Variants in CYTH1 observed in about 807,000 individuals in gnomAD.
CYTH1 encodes cytohesin-1.
CYTH1 carries 18 observed loss-of-function variants against 61.8 expected under a neutral mutation model. The observed-to-expected ratio is 0.29, with a 90% confidence interval of 0.20 to 0.43. The LOEUF (loss-of-function observed/expected upper bound fraction) is 0.43. CYTH1 is among the 20% of genes least tolerant of loss of function. The pLI, the probability that CYTH1 is intolerant of heterozygous loss-of-function variation, is 1.00. For synonymous variants in CYTH1, 174 were observed against 184.3 expected, an observed-to-expected ratio of 0.94 and a Z score of 0.45; for missense variants, 336 against 510.5, an observed-to-expected ratio of 0.66 and a Z score of 3.29.
At chr17:78,741,220 A>G (rs1295891963) in intron 1 of CYTH1, among the ~76,000 whole-genome samples, 3 of 152,182 alleles carry the variant, frequency 2.0e-5, no homozygotes, top group Non-Finnish European at 4.4e-5. Context: ...GGGAATACAC[A>G]AGCATGTAAT....
At chr17:78,723,919 G>T (rs1224782261) in intron 1 of CYTH1, 2 of 152,280 alleles carry the variant, frequency 1.3e-5, no homozygotes, top group African/African-American at 4.8e-5. Flanking sequence ...CGTCCTGGAG[G>T]GGCTTCAGGA....
intron 1 of CYTH1, among the ~76,000 whole-genome samples, chr17:78,711,983 G>A (rs558834871): frequency 2.6e-5 from 4 of 152,022 alleles, no homozygotes; most frequent in East Asian, 3.9e-4. Flanking sequence ...GGGGGCTGAC[G>A]TAGAAGGATT....
At chr17:78,730,788 C>A (rs1239095983) in intron 1 of CYTH1, among the ~76,000 whole-genome samples, 1 of 151,740 alleles carries the variant, frequency 6.6e-6, no homozygotes, top group Non-Finnish European at 1.5e-5. Flanking sequence ...CCTCAGCCAC[C>A]CGAGTGGCTG....
rs1205775036 is a variant in CYTH1, at chr17:78,675,023, G to A, written c.*1068C>T. The A allele has an allele frequency of 1.3e-5, 2 of 152,320 alleles. No homozygotes were observed. The highest frequency in any genetic ancestry group is 4.8e-5 in the African/African-American group (2 of 41,464). The allele number at this position is 152,320 out of a possible 1,614,324, so 9.4% of individuals were successfully genotyped here. On this transcript the variant is annotated 3_prime_UTR_variant, in exon 14 of 14. Coordinates refer to ENST00000446868, the MANE Select transcript of CYTH1 (RefSeq NM_004762.6). ...CATCCAGAGTAGTCCAGTTAGGGCT[G>A]GTTTTGAGGCAGAAAAAGCTGAAGC...
At chr17:78,760,355 T>TTATATATATATATATATATATATA (rs370393556) in intron 1 of CYTH1, among the ~76,000 whole-genome samples, 1 of 52,274 alleles carries the variant, frequency 1.9e-5, no homozygotes, top group African/African-American at 7.2e-5. Context: ...AATAGCAGGT[T>TTATATATATATATATATATATATA]TATATATATA....
chr17:78,753,001 T>C (rs2144679326), intron 1 of CYTH1, among the ~76,000 whole-genome samples: 1 of 152,286 alleles, frequency 6.6e-6, no homozygotes, highest in East Asian at 1.9e-4. Flanking sequence ...CACTCAGGAT[T>C]ACCAAATCTC....
chr17:78,709,350 C>T, intron 2 of CYTH1: 2 of 309,460 alleles, frequency 6.5e-6, no homozygotes, highest in Non-Finnish European at 1.2e-5. Context: ...CACTCTGCTC[C>T]GCAAGGGCAA....
In CYTH1 at chr17:78,675,779, C is replaced by A; in HGVS notation, c.*312G>T. On this transcript the variant is annotated 3_prime_UTR_variant, in exon 14 of 14. Transcript: ENST00000446868. ...GGACAACCAAGAGGTAAACAGTTGG[C>A]TCTGAGCTCTGCTACCAGAACACTG... is the stretch of plus-strand genomic sequence containing the variant. The A allele has an allele frequency of 1.7e-6, 2 of 1,142,922 alleles. No homozygotes were observed. The highest frequency in any genetic ancestry group is 2.4e-6 in the Non-Finnish European group (2 of 835,548). 70.8% of individuals were successfully genotyped at this position (1,142,922 alleles called of 1,614,324 possible). A position where few individuals can be genotyped will look rare whatever the true frequency, so the allele number is the denominator to read the frequency against.
intron 1 of CYTH1, among the ~76,000 whole-genome samples, chr17:78,763,755 T>C (rs1329966652): frequency 6.6e-6 from 1 of 152,142 alleles, no homozygotes; most frequent in South Asian, 2.1e-4. Context: ...GGTGAAACCA[T>C]GGATAAGGGG....
chr17:78,687,637 T>C (rs1339598583), intron 11 of CYTH1, among the ~76,000 whole-genome samples: 1 of 152,134 alleles, frequency 6.6e-6, no homozygotes, highest in African/African-American at 2.4e-5. Context: ...TCTCTCACAA[T>C]CTCTCTAATG....
chr17:78,780,618 C>T (rs2093513038), intron 1 of CYTH1, among the ~76,000 whole-genome samples: 1 of 152,192 alleles, frequency 6.6e-6, no homozygotes, highest in East Asian at 1.9e-4. Context: ...GGCCTGTAAT[C>T]CCAACACTGT....
chr17:78,695,969 G>C (rs1298337465), intron 10 of CYTH1, 38 bp downstream of exon 10: 1 of 1,367,542 alleles, frequency 7.3e-7, no homozygotes, highest in Non-Finnish European at 9.8e-7. Context: ...AATGACAGTG[G>C]CCTAGCAGAG....
chr17:78,736,959 C>T (rs2093323249), intron 1 of CYTH1: 2 of 157,512 alleles, frequency 1.3e-5, no homozygotes, highest in South Asian at 2.9e-4. Context: ...TCAGTGCCAC[C>T]ACCCAGTTCC....
chr17:78,756,854 G>A (rs189847467), intron 1 of CYTH1, among the ~76,000 whole-genome samples: 1 of 151,590 alleles, frequency 6.6e-6, no homozygotes, highest in East Asian at 1.9e-4. Context: ...ATAATCACCA[G>A]GAGACACAAG....
At chr17:78,758,053 A>G (rs1214404462) in intron 1 of CYTH1, among the ~76,000 whole-genome samples, 1 of 152,244 alleles carries the variant, frequency 6.6e-6, no homozygotes, top group Non-Finnish European at 1.5e-5. Context: ...ACATATCAAG[A>G]GACTACAAAG....
chr17:78,691,141 A>G (rs2092881291), intron 11 of CYTH1: 1 of 152,262 alleles, frequency 6.6e-6, no homozygotes, highest in Non-Finnish European at 1.5e-5. Context: ...AGAAAAGCAA[A>G]GCCAGTGCAG....
At position 78,718,970 on chromosome 17, in the gene CYTH1, A is replaced by C. The variant is rs541643176; in HGVS notation, c.23-9238T>G. On this transcript the variant is annotated intron_variant, in intron 1 of 13. Transcript: ENST00000446868. ...CTACTAGGTGGAAGGCAGCGGGGGT[A>C]CAACACTGAAGAGACAGATCTGGTT... 3.3e-5 allele frequency among the ~76,000 whole-genome samples: 5 copies of C among 152,382 alleles called. No individual in the cohort carries two copies. The South Asian group carries it at 1.0e-3, about 32-fold the overall frequency.
intron 1 of CYTH1, among the ~76,000 whole-genome samples, chr17:78,733,344 T>C (rs2093304624): frequency 6.6e-6 from 1 of 152,188 alleles, no homozygotes; most frequent in Non-Finnish European, 1.5e-5. Flanking sequence ...TATACACTGT[T>C]CTCATCAGTT....
intron 1 of CYTH1, among the ~76,000 whole-genome samples, chr17:78,759,700 T>TA (rs2093414723): frequency 6.6e-6 from 1 of 152,164 alleles, no homozygotes; most frequent in South Asian, 2.1e-4. Context: ...CCACATAAAT[T>TA]AGATAGTTAC....
Sources: allele counts gnomAD v4.1 joint callset (sites outside exome capture counted in the v4.1 genomes callset), GRCh38; gene constraint gnomAD v4.1.1; transcripts MANE v1.5; gene names NCBI Gene and HGNC (gene_info 2026-07-23, HGNC 2026-07-21).